ADGRL2: variants seen among roughly 807,000 people sequenced by gnomAD.
ADGRL2 encodes adhesion G protein-coupled receptor L2.
In ADGRL2, 44 loss-of-function variants were observed where a neutral mutation model predicts 157.4. The observed-to-expected ratio is 0.28, with a 90% CI of 0.22 to 0.36. The LOEUF is 0.36. ADGRL2 is among the 10% of genes least tolerant of loss of function. The pLI is 1.00. For synonymous variants in ADGRL2, 585 were observed against 624.7 expected, an observed-to-expected ratio of 0.94 and a Z score of 0.95; for missense variants, 1,510 against 1,768.9, an observed-to-expected ratio of 0.85 and a Z score of 2.63.
chr1:81,598,149 A>C (rs1168246468), intron 3 of ADGRL2, among the ~76,000 whole-genome samples: 1 of 152,182 alleles, frequency 6.6e-6, no homozygotes, highest in African/African-American at 2.4e-5. Flanking sequence ...AGATGTTCAG[A>C]GTAAGCAGCT....
chr1:81,521,967 G>T (rs202085707), intron 2 of ADGRL2, among the ~76,000 whole-genome samples: 1,877 of 139,348 alleles, frequency 0.013, 39 homozygotes, highest in African/African-American at 0.043. Context: ...TGTACTTTTT[G>T]TTTTTTTTTT....
intron 1 of ADGRL2, among the ~76,000 whole-genome samples, chr1:81,323,092 A>T (rs1264872810): frequency 1.3e-5 from 2 of 152,242 alleles, no homozygotes; most frequent in East Asian, 3.9e-4. Context: ...TCCTGATCTC[A>T]AGTGATCTAC....
chr1:81,617,780 T>C (rs551178115), intron 3 of ADGRL2, among the ~76,000 whole-genome samples: 1 of 152,350 alleles, frequency 6.6e-6, no homozygotes, highest in Admixed American at 6.5e-5. Context: ...TGTAGCATAA[T>C]CTAAAATATT....
At chr1:81,899,002 CA>C (rs1196661057) in intron 2 of ADGRL2, among the ~76,000 whole-genome samples, 1 of 152,108 alleles carries the variant, frequency 6.6e-6, no homozygotes, top group Non-Finnish European at 1.5e-5. Flanking sequence ...CCCTGATAAT[CA>C]AAAAGCATGG....
At chr1:81,494,055 A>C (rs1016438500) in intron 2 of ADGRL2, among the ~76,000 whole-genome samples, 2 of 152,180 alleles carry the variant, frequency 1.3e-5, no homozygotes, top group Admixed American at 6.5e-5. Flanking sequence ...GAATGTCAAC[A>C]GTCACAAACT....
At chr1:81,515,820 GC>G (rs2148123040) in intron 2 of ADGRL2, among the ~76,000 whole-genome samples, 1 of 152,060 alleles carries the variant, frequency 6.6e-6, no homozygotes, top group African/African-American at 2.4e-5. Flanking sequence ...ACTGTCAGTG[GC>G]AATATAGAGC....
At chr1:81,799,097 G>A (rs2087739613), upstream of ADGRL2, among the ~76,000 whole-genome samples, 1 of 152,124 alleles carries the variant, frequency 6.6e-6, no homozygotes, top group South Asian at 2.1e-4. Context: ...AGATAATTCT[G>A]CCTTCTTTTC....
At chr1:81,687,708 T>C (rs936648514) in intron 3 of ADGRL2, among the ~76,000 whole-genome samples, 2 of 152,116 alleles carry the variant, frequency 1.3e-5, no homozygotes, top group African/African-American at 2.4e-5. Flanking sequence ...CTTTGTTTTT[T>C]TGTTTGTTTG....
chr1:81,608,529 G>T (rs1221792183), intron 3 of ADGRL2, among the ~76,000 whole-genome samples: 3 of 152,182 alleles, frequency 2.0e-5, no homozygotes, highest in African/African-American at 7.2e-5. Context: ...AACTAGGCTT[G>T]TGTGTGTGTT....
chr1:81,569,924 C>T (rs1042747175), intron 2 of ADGRL2, among the ~76,000 whole-genome samples: 9 of 152,190 alleles, frequency 5.9e-5, no homozygotes, highest in Non-Finnish European at 1.2e-4. Context: ...ATGCCTCACT[C>T]ACATGGGTAT....
chr1:81,716,540 C>G (rs2084123228), intron 1 of ADGRL2, among the ~76,000 whole-genome samples: 1 of 152,122 alleles, frequency 6.6e-6, no homozygotes, highest in African/African-American at 2.4e-5. Flanking sequence ...TGAGTAATCT[C>G]TACCTTCTCT....
At chr1:81,900,028 G>T (rs1461664039) in intron 2 of ADGRL2, among the ~76,000 whole-genome samples, 1 of 152,098 alleles carries the variant, frequency 6.6e-6, no homozygotes, top group African/African-American at 2.4e-5. Context: ...TACTGGGTTT[G>T]AAATCTTAAT....
intron 2 of ADGRL2, among the ~76,000 whole-genome samples, chr1:81,513,310 C>A (rs879750107): frequency 6.6e-6 from 1 of 152,090 alleles, no homozygotes; most frequent in East Asian, 1.9e-4. Flanking sequence ...TTTGAATAGA[C>A]AATGGGTGTT....
chr1:81,345,666 T>G (rs891343484), intron 1 of ADGRL2, among the ~76,000 whole-genome samples: 6 of 152,172 alleles, frequency 3.9e-5, no homozygotes, highest in Non-Finnish European at 8.8e-5. Context: ...TTTAGTCAAC[T>G]AATCATAACT....
chr1:81,497,183 A>G (rs2078748592), intron 2 of ADGRL2, among the ~76,000 whole-genome samples: 1 of 152,148 alleles, frequency 6.6e-6, no homozygotes. Context: ...ATTTCTATTT[A>G]TCTGCTCCAA....
intron 1 of ADGRL2, among the ~76,000 whole-genome samples, chr1:81,367,876 C>T (rs548719637): frequency 3.9e-5 from 6 of 152,100 alleles, no homozygotes; most frequent in Admixed American, 3.3e-4. Flanking sequence ...TTTATGGCTG[C>T]ATAGTATTCC....
intron 3 of ADGRL2, among the ~76,000 whole-genome samples, chr1:81,613,566 C>T (rs2081584933): frequency 6.7e-6 from 1 of 149,424 alleles, no homozygotes; most frequent in Admixed American, 6.8e-5. Flanking sequence ...GGCAGACAGA[C>T]TTCTGAAAAA....
At chr1:81,987,243 C>T (rs1165400130) in intron 22 of ADGRL2, 2 of 1,496,064 alleles carry the variant, frequency 1.3e-6, no homozygotes, top group East Asian at 2.3e-5. Flanking sequence ...CAATAATGAT[C>T]CATGTTTTTA....
At chr1:81,510,585 A>G (rs1461636940) in intron 2 of ADGRL2, among the ~76,000 whole-genome samples, 1 of 152,152 alleles carries the variant, frequency 6.6e-6, no homozygotes, top group Non-Finnish European at 1.5e-5. Context: ...GAAGATATGC[A>G]TTGGCGATAA....
Sources: gnomAD v4.1 joint callset for allele counts (sites outside exome capture counted in the v4.1 genomes callset) on GRCh38, gnomAD v4.1.1 for gene constraint, MANE v1.5 for transcripts, NCBI Gene and HGNC (gene_info 2026-07-23, HGNC 2026-07-21) for gene names.